Variants in ANO4 observed in about 807,000 individuals in gnomAD.
ANO4 encodes anoctamin 4.
A neutral mutation model predicts 141.9 loss-of-function variants in ANO4; 69 were observed. That is an observed-to-expected ratio of 0.49 (90% CI 0.40 to 0.59). ANO4 has a LOEUF of 0.59. Ranked by LOEUF, ANO4 falls within the 20% of genes least tolerant of loss-of-function variation. ANO4 has a pLI of 0.00. For synonymous variants in ANO4, 350 were observed against 394.3 expected (o/e 0.89, Z 1.33); for missense variants, 894 against 1,162.2 (o/e 0.77, Z 3.36).
chr12:100,931,980 G>A (rs777981244), intron 3 of ANO4, among the ~76,000 whole-genome samples: 4 of 147,780 alleles, frequency 2.7e-5, no homozygotes, highest in Non-Finnish European at 4.5e-5. Flanking sequence ...AAATATTCCC[G>A]GAGGTGTTCT....
At chr12:100,843,330 A>C (rs1207780395) in intron 1 of ANO4, among the ~76,000 whole-genome samples, 2 of 152,190 alleles carry the variant, frequency 1.3e-5, no homozygotes, top group Non-Finnish European at 2.9e-5. Context: ...GAATAGATTC[A>C]CTAAACAAGT....
At chr12:101,039,563 G>T (rs1447577545) in intron 10 of ANO4, among the ~76,000 whole-genome samples, 1 of 152,146 alleles carries the variant, frequency 6.6e-6, no homozygotes, top group Non-Finnish European at 1.5e-5. Context: ...TAAGCCTTGG[G>T]CATGGCCCCT....
intron 1 of ANO4, among the ~76,000 whole-genome samples, chr12:100,836,371 T>C (rs1054836992): frequency 1.1e-4 from 16 of 152,144 alleles, no homozygotes; most frequent in African/African-American, 3.9e-4. Flanking sequence ...CTGTAAGTTC[T>C]AGGGTACATG....
At chr12:100,822,466 A>G (rs899068287) in intron 1 of ANO4, among the ~76,000 whole-genome samples, 5 of 152,088 alleles carry the variant, frequency 3.3e-5, no homozygotes, top group African/African-American at 9.7e-5. Flanking sequence ...GGGAGACGGC[A>G]GCTCCTGGAC....
intron 1 of ANO4, among the ~76,000 whole-genome samples, chr12:100,827,879 G>A (rs1383755106): frequency 1.3e-5 from 2 of 151,904 alleles, no homozygotes; most frequent in South Asian, 2.1e-4. Context: ...TACGCTTCTG[G>A]CCTTCATTAT....
chr12:100,892,696 T>C (rs904744412), intron 1 of ANO4, among the ~76,000 whole-genome samples: 3 of 152,238 alleles, frequency 2.0e-5, no homozygotes, highest in African/African-American at 7.2e-5. Flanking sequence ...AGATTACTTA[T>C]AATACCCAGT....
chr12:101,107,697 G>A (rs967767320), intron 22 of ANO4, among the ~76,000 whole-genome samples: 1 of 152,104 alleles, frequency 6.6e-6, no homozygotes, highest in Non-Finnish European at 1.5e-5. Flanking sequence ...TCCTTGAATG[G>A]CATGGTGAAG....
Position 101,097,955 on chromosome 12 carries a change from T to A in ANO4, c.2006+10T>A, listed in dbSNP as rs762975601. 2 of 1,606,318 alleles carry A rather than the reference T, an allele frequency of 1.2e-6. No individual in the cohort carries two copies. The highest frequency in any genetic ancestry group is 3.3e-5 in the Admixed American group (2 of 59,880). ...TGGAACTTGGCTACCCGTAAGTACC[T>A]TAGTATCAATAATTGAGAGGCAGCA... On this transcript the variant is annotated intron_variant, in intron 21 of 27. Coordinates refer to ENST00000392977, the MANE Select transcript of ANO4 (RefSeq NM_001286615.2).
chr12:100,874,219 G>A (rs1445277836), intron 1 of ANO4, among the ~76,000 whole-genome samples: 1 of 152,226 alleles, frequency 6.6e-6, no homozygotes, highest in Non-Finnish European at 1.5e-5. Context: ...GAGGGAAAAT[G>A]TGAGGTTGGA....
intron 3 of ANO4, among the ~76,000 whole-genome samples, chr12:100,773,791 G>A (rs117718769): frequency 3.9e-5 from 6 of 152,262 alleles, no homozygotes; most frequent in South Asian, 2.1e-4. Flanking sequence ...GAATGATTAC[G>A]TAGCAACCAA....
chr12:100,756,402 T>G (rs1414812172), intron 3 of ANO4, among the ~76,000 whole-genome samples: 1 of 152,130 alleles, frequency 6.6e-6, no homozygotes, highest in East Asian at 1.9e-4. Context: ...CAGGCTGGAG[T>G]GCAGTGGTAT....
chr12:100,935,463 A>C (rs2042247838), intron 3 of ANO4, among the ~76,000 whole-genome samples: 1 of 152,102 alleles, frequency 6.6e-6, no homozygotes, highest in African/African-American at 2.4e-5. Flanking sequence ...GACTTCTCAG[A>C]GTATTTGACT....
intron 3 of ANO4, among the ~76,000 whole-genome samples, chr12:100,924,623 A>G (rs1221674521): frequency 6.6e-6 from 1 of 152,158 alleles, no homozygotes; most frequent in African/African-American, 2.4e-5. Context: ...CCACAAGAGA[A>G]TAAAAATCAG....
At chr12:101,127,840 T>C (rs928188458) in intron 27 of ANO4, 21 bp from the exon 28 acceptor site, 2 of 152,690 alleles carry the variant, frequency 1.3e-5, no homozygotes, top group African/African-American at 4.8e-5. Context: ...AAGATCTTTA[T>C]GCCTTCTTTT....
At position 100,799,827 on chromosome 12, in the gene ANO4, C is replaced by T. The variant is rs150474917; in HGVS notation, c.-141+4800C>T. The stretch of plus-strand genomic sequence containing the variant: ...AGGAAGTGATATGACTTCCCCAAGG[C>T]TGGAGACTCACATAGCACCTGGGCC... On this transcript the variant is annotated intron_variant, in intron 1 of 27. Transcript: ENST00000392977. Among the ~76,000 whole-genome samples the T allele has an allele frequency of 1.8e-4, 27 of 152,306 alleles. No homozygotes were observed. The East Asian group carries it at 4.8e-3, about 27-fold the overall frequency.
intron 8 of ANO4, among the ~76,000 whole-genome samples, chr12:101,004,779 C>T (rs1373915507): frequency 1.3e-5 from 2 of 152,094 alleles, no homozygotes; most frequent in African/African-American, 4.8e-5. Flanking sequence ...TCTTTATTGA[C>T]ACCCCATTAT....
At chr12:100,948,213 TGAAAAG>T (rs2042819775) in intron 5 of ANO4, among the ~76,000 whole-genome samples, 2 of 146,736 alleles carry the variant, frequency 1.4e-5, no homozygotes, top group Admixed American at 6.8e-5. Flanking sequence ...AGTAGTGTTA[TGAAAAG>T]GAAAAGGTAA....
intron 22 of ANO4, among the ~76,000 whole-genome samples, chr12:101,104,522 T>G (rs1312891811): frequency 6.7e-6 from 1 of 149,882 alleles, no homozygotes; most frequent in Non-Finnish European, 1.5e-5. Flanking sequence ...GCTCTGTCAT[T>G]GATTCTAATT....
chr12:101,106,902 G>T, intron 22 of ANO4, among the ~76,000 whole-genome samples: 1 of 128,024 alleles, frequency 7.8e-6, no homozygotes. Flanking sequence ...AAAAAAAAAA[G>T]CAGCAGTTAA....
Sources: gnomAD v4.1 joint callset for allele counts (sites outside exome capture counted in the v4.1 genomes callset) on GRCh38, gnomAD v4.1.1 for gene constraint, MANE v1.5 for transcripts, NCBI Gene and HGNC (gene_info 2026-07-23, HGNC 2026-07-21) for gene names.